The following TAFA5 variants were observed in gnomAD, a reference collection of about 807,000 sequenced individuals.
TAFA5 encodes the protein TAFA chemokine like family member 5.
A neutral mutation model predicts 15.3 loss-of-function variants in TAFA5; 6 were observed. The ratio of observed to expected loss-of-function variants is 0.39; its 90% CI spans 0.21 to 0.77. The LOEUF (loss-of-function observed/expected upper bound fraction) is 0.77, where lower values mean the gene tolerates loss of function less well. Among genes scored for constraint, TAFA5 ranks in the 30% least tolerant of loss-of-function variants. The pLI, the probability that TAFA5 is intolerant of heterozygous loss-of-function variation, is 0.41. For missense variants in TAFA5, 161 were observed against 193.1 expected, an observed-to-expected ratio of 0.83 and a Z score of 0.98; for synonymous variants, 103 against 80.7, an observed-to-expected ratio of 1.28 and a Z score of -1.48.
At chr22:48,589,496 C>T (rs1438636282) in intron 1 of TAFA5, among the ~76,000 whole-genome samples, 1 of 151,362 alleles carries the variant, frequency 6.6e-6, no homozygotes. Flanking sequence ...GGTTGGAGGT[C>T]CCCAAAGACA....
rs1024041701 is a variant in TAFA5, at chr22:48,560,754, G to A, written c.112+71050G>A. Among the ~76,000 whole-genome samples the A allele has an allele frequency of 1.3e-5, 2 of 151,962 alleles. No individual in the cohort carries two copies. The highest frequency in any genetic ancestry group is 4.8e-5 in the African/African-American group (2 of 41,344). On this transcript the variant is annotated intron_variant, in intron 1 of 3. Transcript: ENST00000402357. This position sits in a 1 kb window ranked among gnomAD's most constrained non-coding sequence, Gnocchi z 4.2. ...TTCCTGAGTAGCTGGGATTACAGGT[G>A]CTCAACACCACGCCTGGATAATTTT...
intron 1 of TAFA5, among the ~76,000 whole-genome samples, chr22:48,646,069 C>T (rs764864386): frequency 1.3e-5 from 2 of 152,194 alleles, no homozygotes; most frequent in Non-Finnish European, 2.9e-5. Flanking sequence ...CCCAGGCAGG[C>T]ATGGCAGTTC....
intron 2 of TAFA5, among the ~76,000 whole-genome samples, chr22:48,648,306 T>G (rs1926935772): frequency 6.6e-6 from 1 of 152,072 alleles, no homozygotes; most frequent in Non-Finnish European, 1.5e-5. Context: ...AAGGGTCCTT[T>G]CCTCCCCCAC....
At chr22:48,532,256 C>A (rs1921999191) in intron 1 of TAFA5, among the ~76,000 whole-genome samples, 1 of 152,242 alleles carries the variant, frequency 6.6e-6, no homozygotes, top group Non-Finnish European at 1.5e-5. Context: ...AGCCAGCACT[C>A]TTTAGGAGAT....
At chr22:48,556,905 G>A (rs369515695) in intron 1 of TAFA5, among the ~76,000 whole-genome samples, 173 of 152,330 alleles carry the variant, frequency 1.1e-3, no homozygotes, top group African/African-American at 3.9e-3. Context: ...CCACAGTGGT[G>A]TCCTCATGCA....
intron 3 of TAFA5, among the ~76,000 whole-genome samples, chr22:48,726,567 T>G (rs1929721520): frequency 7.3e-6 from 1 of 137,320 alleles, no homozygotes; most frequent in Admixed American, 7.4e-5. Flanking sequence ...GGTGGTGGGC[T>G]GGACAGGTGA....
chr22:48,548,447 C>T (rs1309049025), intron 1 of TAFA5, among the ~76,000 whole-genome samples: 1 of 152,214 alleles, frequency 6.6e-6, no homozygotes, highest in Non-Finnish European at 1.5e-5. Context: ...CTGGAACAAA[C>T]CAGAAACTCG....
At chr22:48,709,403 G>GC (rs1431485379) in intron 3 of TAFA5, among the ~76,000 whole-genome samples, 3 of 76,334 alleles carry the variant, frequency 3.9e-5, no homozygotes, top group Non-Finnish European at 9.2e-5. Flanking sequence ...CTCTGTCCCT[G>GC]CTGGTTGGGG....
chr22:48,710,352 G>A (rs557882859), intron 3 of TAFA5, among the ~76,000 whole-genome samples: 1 of 152,072 alleles, frequency 6.6e-6, no homozygotes, highest in Non-Finnish European at 1.5e-5. Context: ...TTCACTGTTG[G>A]CCCAAACCCT....
chr22:48,532,156 TTTC>T (rs1453532034), intron 1 of TAFA5, among the ~76,000 whole-genome samples: 1 of 152,218 alleles, frequency 6.6e-6, no homozygotes, highest in Admixed American at 6.5e-5. Flanking sequence ...CTCCTTGCCT[TTTC>T]TTCTTCTCAG....
intron 3 of TAFA5, among the ~76,000 whole-genome samples, chr22:48,729,533 T>G (rs1019305828): frequency 6.8e-6 from 1 of 148,136 alleles, no homozygotes; most frequent in Non-Finnish European, 1.5e-5. Context: ...AAGCTGTGCC[T>G]CTTACACCAG....
intron 2 of TAFA5, among the ~76,000 whole-genome samples, chr22:48,658,842 A>T (rs1323272147): frequency 6.6e-6 from 1 of 152,240 alleles, no homozygotes; most frequent in Non-Finnish European, 1.5e-5. Context: ...CCAGGCAGTC[A>T]TGGAATAAGG....
chr22:48,541,556 A>G (rs1427958492), intron 1 of TAFA5, among the ~76,000 whole-genome samples: 1 of 152,146 alleles, frequency 6.6e-6, no homozygotes, highest in African/African-American at 2.4e-5. Flanking sequence ...GAGCCCAGGC[A>G]CATTCCCCAG....
At chr22:48,565,241 C>A (rs1923371381) in intron 1 of TAFA5, among the ~76,000 whole-genome samples, 1 of 152,068 alleles carries the variant, frequency 6.6e-6, no homozygotes, top group South Asian at 2.1e-4. Flanking sequence ...GGGTGTAGAC[C>A]CTGAGAAGGC....
intron 2 of TAFA5, among the ~76,000 whole-genome samples, chr22:48,663,566 A>G (rs1307523874): frequency 1.3e-5 from 2 of 152,260 alleles, no homozygotes; most frequent in Non-Finnish European, 2.9e-5. Flanking sequence ...GTAAGCACAC[A>G]GCATTGCTTT....
intron 3 of TAFA5, 91 bp from the exon 4 acceptor site, chr22:48,749,748 A>G: frequency 6.9e-7 from 1 of 1,455,280 alleles, no homozygotes; most frequent in Non-Finnish European, 9.4e-7. Context: ...GCCGGCTGGC[A>G]GGAGCCGGGG....
chr22:48,539,197 C>A, intron 1 of TAFA5: 1 of 317,786 alleles, frequency 3.1e-6, no homozygotes, highest in South Asian at 2.8e-5. Flanking sequence ...AATGACATTT[C>A]TCCATCTCAC....
chr22:48,668,814 G>A (rs1927708751), intron 2 of TAFA5, among the ~76,000 whole-genome samples: 1 of 152,230 alleles, frequency 6.6e-6, no homozygotes, highest in Admixed American at 6.5e-5. Flanking sequence ...ACACCACCTG[G>A]CTGGCACCAG....
chr22:48,726,551 T>G (rs951448774), intron 3 of TAFA5, among the ~76,000 whole-genome samples: 2 of 148,730 alleles, frequency 1.3e-5, no homozygotes, highest in Admixed American at 6.7e-5. Context: ...GAATCACTGG[T>G]CCAGTGGTGG....
Sources: gnomAD v4.1 joint callset for allele counts (sites outside exome capture counted in the v4.1 genomes callset) on GRCh38, gnomAD v4.1.1 for gene constraint, Gnocchi (gnomAD v3.1) non-coding constraint, MANE v1.5 for transcripts, NCBI Gene and HGNC (gene_info 2026-07-23, HGNC 2026-07-21) for gene names.